Variants in HS3ST1 observed in about 807,000 individuals in gnomAD.
HS3ST1 encodes heparan sulfate glucosamine 3-O-sulfotransferase 1.
In HS3ST1, 8 loss-of-function variants were observed where a neutral mutation model predicts 20.7. The observed-to-expected ratio is 0.39, with a 90% confidence interval of 0.23 to 0.70. The LOEUF is 0.70. HS3ST1 is among the 30% of genes least tolerant of loss of function. The probability of loss-of-function intolerance (pLI) is 0.46; values close to 1 mark genes in which losing one functional copy is unlikely to be tolerated. For missense variants in HS3ST1, 436 were observed against 423.4 expected, an observed-to-expected ratio of 1.03 and a Z score of -0.26; for synonymous variants, 205 against 190.4, an observed-to-expected ratio of 1.08 and a Z score of -0.63.
At chr4:11,408,488 T>C (rs1560233478) in intron 1 of HS3ST1, among the ~76,000 whole-genome samples, 1 of 152,120 alleles carries the variant, frequency 6.6e-6, no homozygotes, top group African/African-American at 2.4e-5. Flanking sequence ...ATAATTTAGC[T>C]CTCTGTAGAA....
intron 1 of HS3ST1, among the ~76,000 whole-genome samples, chr4:11,425,295 T>A (rs543121330): frequency 8.5e-5 from 13 of 152,278 alleles, no homozygotes; most frequent in African/African-American, 2.9e-4. Flanking sequence ...GGGACCCGGG[T>A]CATCTCGTGA....
At chr4:11,412,486 C>A (rs1462192495) in intron 1 of HS3ST1, among the ~76,000 whole-genome samples, 1 of 152,178 alleles carries the variant, frequency 6.6e-6, no homozygotes, top group East Asian at 1.9e-4. Context: ...TAAAAATTAA[C>A]CACAAAGTTT....
upstream of HS3ST1, chr4:11,429,638 T>A (rs1450963131): frequency 7.7e-6 from 1 of 129,746 alleles, no homozygotes; most frequent in Non-Finnish European, 1.6e-5. Context: ...GCGCGGAAAA[T>A]TCAGCTTTTT....
intron 1 of HS3ST1, among the ~76,000 whole-genome samples, chr4:11,425,813 G>A (rs1351406126): frequency 6.6e-6 from 1 of 152,164 alleles, no homozygotes; most frequent in Non-Finnish European, 1.5e-5. Flanking sequence ...CAGGGAGGGA[G>A]AAATTGTTGC....
In HS3ST1 at chr4:11,398,564, C is replaced by T. The variant is rs1304679610; in HGVS notation, c.*518G>A. On this transcript the variant is annotated 3_prime_UTR_variant, in exon 2 of 2. Coordinates refer to ENST00000002596, the MANE Select transcript of HS3ST1 (RefSeq NM_005114.4). ...GACCTCCAAAAATGACAAGGAATCG[C>T]CGAGGAGATAAATCTTACAATCCAA... 3 of 152,082 alleles carry T rather than the reference C, an allele frequency of 2.0e-5. No individual in the cohort carries two copies. The highest frequency in any genetic ancestry group is 7.3e-5 in the African/African-American group (3 of 41,348). The allele number at this position is 152,082 out of a possible 1,614,324, so 9.4% of individuals were successfully genotyped here.
intron 1 of HS3ST1, among the ~76,000 whole-genome samples, chr4:11,422,902 G>C (rs1420403276): frequency 2.7e-5 from 4 of 150,852 alleles, no homozygotes; most frequent in Admixed American, 6.6e-5. Flanking sequence ...AAATGATCAA[G>C]TTAAAAGGTG....
chr4:11,394,525 G>A lies in HS3ST1; in HGVS notation c.*4557C>T, dbSNP rs1013275. 0.094 allele frequency: 14,290 copies of A among 152,148 alleles called. 713 individuals are homozygous for A. Among genetic ancestry groups the A allele is most frequent in the Middle Eastern group, 0.15 (45 of 294 alleles). 9.4% of individuals were successfully genotyped at this position (152,148 alleles called of 1,614,324 possible). The stretch of plus-strand genomic sequence containing the variant: ...CAGTCTTCCGAAATGAGCTGCTGCC[G>A]GTTAGGAGCATGTTTTATCACGTCC... On this transcript the variant is annotated 3_prime_UTR_variant, in exon 2 of 2. Coordinates refer to ENST00000002596, the MANE Select transcript of HS3ST1 (RefSeq NM_005114.4).
intron 1 of HS3ST1, among the ~76,000 whole-genome samples, chr4:11,427,470 G>A (rs189261650): frequency 4.6e-5 from 7 of 152,354 alleles, no homozygotes; most frequent in African/African-American, 1.7e-4. Context: ...ACTGTTTCTC[G>A]GAGCGCAGCG....
chr4:11,410,048 AAAAAT>A (rs1304808649), intron 1 of HS3ST1, among the ~76,000 whole-genome samples: 4 of 152,214 alleles, frequency 2.6e-5, no homozygotes, highest in Non-Finnish European at 1.5e-5. Flanking sequence ...AAGAAAAGGA[AAAAAT>A]AAAAATAAAA....
At chr4:11,426,158 C>G (rs1028286324) in intron 1 of HS3ST1, among the ~76,000 whole-genome samples, 1 of 152,170 alleles carries the variant, frequency 6.6e-6, no homozygotes, top group Non-Finnish European at 1.5e-5. Context: ...GTGCCTTCCT[C>G]CAAACTTTAG....
chr4:11,402,149 G>C (rs1340537092), intron 1 of HS3ST1, among the ~76,000 whole-genome samples: 1 of 152,178 alleles, frequency 6.6e-6, no homozygotes, highest in African/African-American at 2.4e-5. Flanking sequence ...ACAAATTCCA[G>C]GACATCCATT....
chr4:11,421,176 C>T (rs1201395528), intron 1 of HS3ST1, among the ~76,000 whole-genome samples: 1 of 152,096 alleles, frequency 6.6e-6, no homozygotes, highest in Non-Finnish European at 1.5e-5. Flanking sequence ...TCCCTCAATC[C>T]TCACTAGAGT....
chr4:11,406,909 T>A (rs1002841330), intron 1 of HS3ST1, among the ~76,000 whole-genome samples: 4 of 152,182 alleles, frequency 2.6e-5, no homozygotes, highest in African/African-American at 9.7e-5. Flanking sequence ...ATAAGATTAT[T>A]TTTTCATTGT....
At chr4:11,422,769 T>G (rs1273913474) in intron 1 of HS3ST1, among the ~76,000 whole-genome samples, 2 of 151,828 alleles carry the variant, frequency 1.3e-5, no homozygotes, top group Non-Finnish European at 2.9e-5. Flanking sequence ...AAAATGAAAT[T>G]TTATAATAAA....
At chr4:11,423,388 T>C (rs7660733) in intron 1 of HS3ST1, among the ~76,000 whole-genome samples, 72,441 of 152,092 alleles carry the variant, frequency 0.48, 18,713 homozygotes, top group African/African-American at 0.69. Flanking sequence ...GATAATGAAA[T>C]TTAACTTTGG....
At chr4:11,422,768 T>G (rs1448690934) in intron 1 of HS3ST1, among the ~76,000 whole-genome samples, 2 of 151,992 alleles carry the variant, frequency 1.3e-5, no homozygotes, top group African/African-American at 4.8e-5. Context: ...CAAAATGAAA[T>G]TTTATAATAA....
chr4:11,403,085 C>G (rs1347657819), intron 1 of HS3ST1, among the ~76,000 whole-genome samples: 1 of 152,108 alleles, frequency 6.6e-6, no homozygotes. Flanking sequence ...CAAGTATATA[C>G]GCACACATAT....
chr4:11,433,519 C>T (rs1049227136), upstream of HS3ST1, among the ~76,000 whole-genome samples: 2 of 152,182 alleles, frequency 1.3e-5, no homozygotes, highest in African/African-American at 4.8e-5. Context: ...CTGGCCCCTG[C>T]TGAGTGCTGG....
chr4:11,423,840 G>A (rs1718994591), intron 1 of HS3ST1, among the ~76,000 whole-genome samples: 1 of 152,174 alleles, frequency 6.6e-6, no homozygotes, highest in East Asian at 1.9e-4. Flanking sequence ...ATGCCCTCCT[G>A]AATTTCATAT....
Sources: gnomAD v4.1 joint callset for allele counts (sites outside exome capture counted in the v4.1 genomes callset) on GRCh38, gnomAD v4.1.1 for gene constraint, MANE v1.5 for transcripts, NCBI Gene and HGNC (gene_info 2026-07-23, HGNC 2026-07-21) for gene names.